The following SORCS1 variants were observed in gnomAD, a reference collection of about 807,000 sequenced individuals.
SORCS1 encodes sortilin related VPS10 domain containing receptor 1, also known as VPS10 domain-containing receptor SorCS1.
Under a neutral mutation model 146.1 loss-of-function variants are expected in SORCS1, and 60 were observed. The observed-to-expected ratio is 0.41, with a 90% CI of 0.33 to 0.51. The LOEUF (loss-of-function observed/expected upper bound fraction) is 0.51. Among genes scored for constraint, SORCS1 ranks in the 20% least tolerant of loss-of-function variants. The pLI is 0.21. For missense variants in SORCS1, 1,352 were observed against 1,487.6 expected, an observed-to-expected ratio of 0.91 and a Z score of 1.50; for synonymous variants, 637 against 584.0, an observed-to-expected ratio of 1.09 and a Z score of -1.31.
intron 1 of SORCS1, among the ~76,000 whole-genome samples, chr10:107,156,559 A>C (rs1331205277): frequency 6.6e-6 from 1 of 152,158 alleles, no homozygotes; most frequent in Non-Finnish European, 1.5e-5. Context: ...TATTCAGCAA[A>C]CTTTCCTTTG....
At chr10:106,705,614 T>C (rs567361358) in intron 8 of SORCS1, among the ~76,000 whole-genome samples, 41 of 152,320 alleles carry the variant, frequency 2.7e-4, no homozygotes, top group African/African-American at 9.1e-4. Flanking sequence ...TAAACCTGCA[T>C]AGTCCCTTTC....
chr10:107,164,162 T>C lies in SORCS1; in HGVS notation c.365A>G (p.Glu122Gly). The C allele has an allele frequency of 6.2e-7, 1 of 1,612,452 alleles. No homozygotes were observed. The highest frequency in any genetic ancestry group is 8.5e-7 in the Non-Finnish European group (1 of 1,179,928). The change falls in exon 1 of 26, where the codon GAG becomes GGG. Residue 122 changes from glutamate to glycine, a missense_variant. Glu to Gly is a moderately conservative substitution (Grantham distance 98, BLOSUM62 -2). Coordinates refer to ENST00000263054, the MANE Select transcript of SORCS1 (RefSeq NM_052918.5). The surrounding 1 kb of genome is among the most constrained non-coding windows in gnomAD (Gnocchi z 6.8). ...TCCCCGGGGGCTCCGACTCGCGCCC[T>C]CTCCCCGTTCTGCCTTCTCCTGATC... ...GADQEKAERG[E>G]GASRSPRGVL...
chr10:106,839,332 A>G (rs1038541947), intron 2 of SORCS1, among the ~76,000 whole-genome samples: 21 of 152,222 alleles, frequency 1.4e-4, no homozygotes, highest in African/African-American at 4.8e-4. Context: ...TATTGCTGAT[A>G]TGGAGAAAGT....
intron 1 of SORCS1, among the ~76,000 whole-genome samples, chr10:106,990,196 A>G (rs1956709295): frequency 6.6e-6 from 1 of 152,184 alleles, no homozygotes; most frequent in African/African-American, 2.4e-5. Flanking sequence ...TCATCCAGTC[A>G]AGCTCTGACT....
At chr10:106,649,337 C>A (rs1461482658) in intron 18 of SORCS1, among the ~76,000 whole-genome samples, 1 of 152,132 alleles carries the variant, frequency 6.6e-6, no homozygotes, top group East Asian at 1.9e-4. Flanking sequence ...TGCAGCCTGC[C>A]CCTGTATGCT....
In SORCS1 at chr10:106,960,762, C is replaced by T. The variant is rs755169183; in HGVS notation, c.559-4182G>A. Among the ~76,000 whole-genome samples the T allele has an allele frequency of 1.3e-5, 2 of 152,132 alleles. No homozygotes were observed. Among genetic ancestry groups the T allele is most frequent in the Admixed American group, 6.5e-5 (1 of 15,272 alleles). ...ACCAAGCTGCTGTTCTCAAATCACC[C>T]ATTCCTTGGAGGGTAGAAGGGTGCC... On this transcript the variant is annotated intron_variant, in intron 1 of 25. Coordinates refer to ENST00000263054, the MANE Select transcript of SORCS1 (RefSeq NM_052918.5). This position sits in a 1 kb window ranked among gnomAD's most constrained non-coding sequence, Gnocchi z 4.4.
chr10:106,939,543 C>T (rs1953926415), intron 2 of SORCS1, among the ~76,000 whole-genome samples: 1 of 152,208 alleles, frequency 6.6e-6, no homozygotes, highest in African/African-American at 2.4e-5. Context: ...CAGTCCTGTG[C>T]CTTTCAGGAA....
At chr10:106,663,748 C>T (rs551706539) in intron 17 of SORCS1, among the ~76,000 whole-genome samples, 1 of 152,182 alleles carries the variant, frequency 6.6e-6, no homozygotes, top group Non-Finnish European at 1.5e-5. Context: ...TGGTGTGAGG[C>T]CTTCTTTGTA....
chr10:106,781,086 G>T (rs1398491068), intron 3 of SORCS1, among the ~76,000 whole-genome samples: 3 of 151,866 alleles, frequency 2.0e-5, no homozygotes, highest in African/African-American at 7.3e-5. Context: ...GCTACAGGAA[G>T]TAATTCTACA....
intron 5 of SORCS1, among the ~76,000 whole-genome samples, chr10:106,752,472 T>A (rs895173890): frequency 2.6e-5 from 4 of 152,130 alleles, no homozygotes; most frequent in Non-Finnish European, 5.9e-5. Context: ...ATATAAGAAG[T>A]ATTGACAGAT....
intron 5 of SORCS1, among the ~76,000 whole-genome samples, chr10:106,754,059 C>T (rs1052659821): frequency 6.6e-6 from 1 of 152,156 alleles, no homozygotes; most frequent in African/African-American, 2.4e-5. Flanking sequence ...ATTATCTTCC[C>T]CACGTCTTTT....
At chr10:107,163,320 C>G (rs981142211) in intron 1 of SORCS1, among the ~76,000 whole-genome samples, 1 of 152,206 alleles carries the variant, frequency 6.6e-6, no homozygotes, top group Admixed American at 6.5e-5. Flanking sequence ...CGCTCATTCA[C>G]GGGCTGGAAA....
intron 5 of SORCS1, among the ~76,000 whole-genome samples, chr10:106,738,622 C>T (rs997655715): frequency 6.6e-6 from 1 of 152,178 alleles, no homozygotes; most frequent in African/African-American, 2.4e-5. Flanking sequence ...GAAGAGAGAA[C>T]CTCTCCACTT....
chr10:106,927,767 T>C (rs999829066), intron 2 of SORCS1, among the ~76,000 whole-genome samples: 9 of 152,156 alleles, frequency 5.9e-5, no homozygotes, highest in Non-Finnish European at 1.0e-4. Context: ...AGAGTGTTGA[T>C]TGGTGCATTC....
At chr10:107,163,149 C>T (rs775895509) in intron 1 of SORCS1, among the ~76,000 whole-genome samples, 1 of 152,202 alleles carries the variant, frequency 6.6e-6, no homozygotes, top group Non-Finnish European at 1.5e-5. Flanking sequence ...TGGAATCCAG[C>T]CTCCTGGAAT....
intron 21 of SORCS1, among the ~76,000 whole-genome samples, chr10:106,617,903 C>A (rs1282419203): frequency 6.6e-6 from 1 of 152,218 alleles, no homozygotes; most frequent in Non-Finnish European, 1.5e-5. Context: ...ATCCACTTTA[C>A]ACTATGAGTG....
intron 3 of SORCS1, among the ~76,000 whole-genome samples, chr10:106,818,475 C>G (rs1014345104): frequency 6.6e-6 from 1 of 151,822 alleles, no homozygotes; most frequent in African/African-American, 2.4e-5. Context: ...AAGTGATCCT[C>G]CTGCCTCAGC....
chr10:106,761,523 G>A (rs1859107449), intron 5 of SORCS1, 65 bp downstream of exon 5: 4 of 1,382,552 alleles, frequency 2.9e-6, no homozygotes, highest in Non-Finnish European at 4.1e-6. Flanking sequence ...ATTCCAATGG[G>A]CATTTACTAG....
intron 2 of SORCS1, among the ~76,000 whole-genome samples, chr10:106,882,409 T>A (rs1348367285): frequency 2.0e-5 from 3 of 152,220 alleles, no homozygotes; most frequent in Non-Finnish European, 4.4e-5. Context: ...GCAAACTTTT[T>A]TCTGTAAAGG....
Sources: gnomAD v4.1 joint callset for allele counts (sites outside exome capture counted in the v4.1 genomes callset) on GRCh38, gnomAD v4.1.1 for gene constraint, Gnocchi (gnomAD v3.1) non-coding constraint, MANE v1.5 for transcripts, NCBI Gene and HGNC (gene_info 2026-07-23, HGNC 2026-07-21) for gene names.